PCDH15: variants seen among roughly 807,000 people sequenced by gnomAD.
The protein encoded by PCDH15 is protocadherin-15.
Under a neutral mutation model 178.5 loss-of-function variants are expected in PCDH15, and 129 were observed. That is an observed-to-expected ratio of 0.72 (90% CI 0.63 to 0.84). PCDH15 has a LOEUF of 0.84. Ranked by LOEUF, PCDH15 falls within the 40% of genes least tolerant of loss-of-function variation. The pLI, the probability that PCDH15 is intolerant of heterozygous loss-of-function variation, is 0.00. For missense variants in PCDH15, 2,230 were observed against 2,099.9 expected (o/e 1.06, Z -1.21); for synonymous variants, 800 against 732.0 (o/e 1.09, Z -1.50).
intron 25 of PCDH15, among the ~76,000 whole-genome samples, chr10:53,910,090 C>T (rs192024987): frequency 6.6e-6 from 1 of 152,320 alleles, no homozygotes; most frequent in African/African-American, 2.4e-5. Flanking sequence ...CATAGCTGAA[C>T]AAAAGGCAGC....
At chr10:55,208,927 G>C (rs546443775) in intron 1 of PCDH15, among the ~76,000 whole-genome samples, 2 of 152,160 alleles carry the variant, frequency 1.3e-5, no homozygotes, top group South Asian at 4.1e-4. Flanking sequence ...CAAGTAAAAG[G>C]AAATAATGAA....
At chr10:55,043,396 A>T (rs1427140881) in intron 2 of PCDH15, among the ~76,000 whole-genome samples, 7 of 151,862 alleles carry the variant, frequency 4.6e-5, no homozygotes, top group Admixed American at 2.6e-4. Context: ...TCCTCTGTCT[A>T]CATAAAAAAA....
At chr10:53,831,673 A>C in intron 29 of PCDH15, 140 bp from the exon 30 acceptor site, 1 of 649,532 alleles carries the variant, frequency 1.5e-6, no homozygotes. Flanking sequence ...AATAATAAGA[A>C]AAGCATATAT....
At chr10:55,530,737 G>A (rs773237931) in intron 2 of PCDH15, among the ~76,000 whole-genome samples, 3 of 151,692 alleles carry the variant, frequency 2.0e-5, no homozygotes, top group Non-Finnish European at 4.4e-5. Context: ...TGTCTTTGTG[G>A]CCTATCTCTG....
At chr10:54,775,712 C>G (rs1412640436) in intron 1 of PCDH15, among the ~76,000 whole-genome samples, 1 of 152,034 alleles carries the variant, frequency 6.6e-6, no homozygotes, top group African/African-American at 2.4e-5. Context: ...GAGGAAACCC[C>G]GTCTCTACTA....
intron 3 of PCDH15, among the ~76,000 whole-genome samples, chr10:54,389,940 C>T (rs1479571256): frequency 2.0e-5 from 3 of 152,020 alleles, no homozygotes; most frequent in African/African-American, 7.2e-5. Flanking sequence ...GAGACTCCGT[C>T]TTAAAATAAA....
intron 2 of PCDH15, among the ~76,000 whole-genome samples, chr10:55,145,326 G>T (rs1165306099): frequency 6.6e-6 from 1 of 151,952 alleles, no homozygotes; most frequent in Admixed American, 6.6e-5. Context: ...TGCTCAGAAA[G>T]AATTTTATTC....
Position 54,603,632 on chromosome 10 carries a change from T to C in PCDH15, c.91+60540A>G, listed in dbSNP as rs145094312. Among the ~76,000 whole-genome samples the C allele has an allele frequency of 5.9e-5, 9 of 151,936 alleles. No homozygotes were observed. In the Admixed American group the frequency reaches 5.9e-4, roughly 10 times the overall value. On this transcript the variant is annotated intron_variant, in intron 2 of 37. Coordinates refer to ENST00000644397, the MANE Select transcript of PCDH15 (RefSeq NM_001384140.1). ...GCTTATATACTATAGGTAAGGAGAA[T>C]TGAAGTAATTTGGTCAGAATTTATG...
At chr10:54,475,733 T>C (rs2078231381) in intron 3 of PCDH15, among the ~76,000 whole-genome samples, 1 of 151,802 alleles carries the variant, frequency 6.6e-6, no homozygotes. Flanking sequence ...AACTGGTATC[T>C]GTGATATTTA....
At chr10:54,628,605 G>C (rs529280711) in intron 2 of PCDH15, among the ~76,000 whole-genome samples, 14 of 152,238 alleles carry the variant, frequency 9.2e-5, no homozygotes, top group African/African-American at 3.4e-4. Context: ...AAATACGGAT[G>C]CAAAATTATT....
intron 23 of PCDH15, among the ~76,000 whole-genome samples, chr10:53,950,506 C>T (rs1007333252): frequency 3.9e-5 from 6 of 152,076 alleles, no homozygotes; most frequent in African/African-American, 1.4e-4. Flanking sequence ...TTGTATTTGG[C>T]AAATTTTTTG....
chr10:54,626,776 T>C (rs1170623877), intron 2 of PCDH15, among the ~76,000 whole-genome samples: 1 of 152,108 alleles, frequency 6.6e-6, no homozygotes, highest in Non-Finnish European at 1.5e-5. Context: ...GCCACTGTCC[T>C]CCAGACCCCA....
chr10:54,931,068 C>T (rs753274580), intron 2 of PCDH15, among the ~76,000 whole-genome samples: 4 of 152,198 alleles, frequency 2.6e-5, no homozygotes, highest in South Asian at 2.1e-4. Context: ...TCAAACTATA[C>T]TTTAGGACCA....
chr10:54,453,742 C>G (rs1359559639), intron 3 of PCDH15, among the ~76,000 whole-genome samples: 2 of 151,488 alleles, frequency 1.3e-5, no homozygotes, highest in Non-Finnish European at 2.9e-5. Context: ...AAGAAGGAGG[C>G]AGAGATAGGA....
chr10:55,541,043 C>T (rs578123888), intron 2 of PCDH15, among the ~76,000 whole-genome samples: 37 of 152,108 alleles, frequency 2.4e-4, no homozygotes, highest in Non-Finnish European at 4.4e-4. Context: ...ACATAGGATT[C>T]GGCACAGGAC....
chr10:55,206,165 T>C (rs547311921), intron 1 of PCDH15, among the ~76,000 whole-genome samples: 1 of 152,072 alleles, frequency 6.6e-6, no homozygotes, highest in African/African-American at 2.4e-5. Context: ...CTCCTAAAAC[T>C]TGTAGGAAGG....
intron 26 of PCDH15, among the ~76,000 whole-genome samples, chr10:53,902,436 G>T (rs2082393232): frequency 6.6e-6 from 1 of 152,078 alleles, no homozygotes; most frequent in Non-Finnish European, 1.5e-5. Flanking sequence ...AGATGTTTAG[G>T]TTTTATGTGC....
chr10:55,502,028 T>C (rs1840668446), intron 2 of PCDH15, among the ~76,000 whole-genome samples: 1 of 151,670 alleles, frequency 6.6e-6, no homozygotes, highest in South Asian at 2.1e-4. Context: ...TGTAACTATG[T>C]GTGATACCTA....
chr10:55,409,699 G>A (rs1838286750), intron 2 of PCDH15, among the ~76,000 whole-genome samples: 1 of 152,076 alleles, frequency 6.6e-6, no homozygotes, highest in Non-Finnish European at 1.5e-5. Flanking sequence ...ATAGCAAATA[G>A]CAGTTACAGA....
Sources: gnomAD v4.1 joint callset for allele counts (sites outside exome capture counted in the v4.1 genomes callset) on GRCh38, gnomAD v4.1.1 for gene constraint, MANE v1.5 for transcripts, NCBI Gene and HGNC (gene_info 2026-07-23, HGNC 2026-07-21) for gene names.